Variants in BICDL1 observed in about 807,000 individuals in gnomAD.
BICDL1 encodes BICD family-like cargo adapter 1.
A neutral mutation model predicts 76.8 loss-of-function variants in BICDL1; 20 were observed. The ratio of observed to expected loss-of-function variants is 0.26; its 90% CI spans 0.18 to 0.38. BICDL1 has a LOEUF of 0.38. Among genes scored for constraint, BICDL1 ranks in the 10% least tolerant of loss-of-function variants. BICDL1 has a pLI of 1.00. For missense variants in BICDL1, 700 were observed against 798.6 expected (o/e 0.88, Z 1.49); for synonymous variants, 383 against 337.1 (o/e 1.14, Z -1.49).
intron 2 of BICDL1, among the ~76,000 whole-genome samples, chr12:120,028,718 G>A (rs1021096840): frequency 6.6e-6 from 1 of 151,982 alleles, no homozygotes; most frequent in African/African-American, 2.4e-5. Context: ...GAAAATTAGC[G>A]AGAAAATAGC....
At chr12:120,081,083 C>T (rs1873934721) in intron 8 of BICDL1, 66 bp downstream of exon 8, 2 of 1,504,830 alleles carry the variant, frequency 1.3e-6, no homozygotes, top group African/African-American at 1.4e-5. Context: ...AGCATATGCT[C>T]AATTTTTTAA....
intron 2 of BICDL1, among the ~76,000 whole-genome samples, chr12:120,014,690 A>G (rs1431103599): frequency 7.0e-6 from 1 of 142,604 alleles, no homozygotes; most frequent in Non-Finnish European, 1.5e-5. Flanking sequence ...ACTCCATCTC[A>G]AAAAAAAAAA....
intron 2 of BICDL1, among the ~76,000 whole-genome samples, chr12:120,029,385 C>T (rs1223408231): frequency 6.6e-6 from 1 of 152,142 alleles, no homozygotes; most frequent in Non-Finnish European, 1.5e-5. Context: ...ATTATTATAA[C>T]TTAGTGTTAT....
At chr12:120,031,780 C>T (rs1952428999) in intron 2 of BICDL1, among the ~76,000 whole-genome samples, 1 of 152,146 alleles carries the variant, frequency 6.6e-6, no homozygotes, top group Non-Finnish European at 1.5e-5. Flanking sequence ...TTTATGTCTA[C>T]TGTCTTGACA....
chr12:120,083,763 G>A (rs938266077), intron 8 of BICDL1, among the ~76,000 whole-genome samples: 16 of 151,982 alleles, frequency 1.1e-4, no homozygotes, highest in Non-Finnish European at 2.4e-4. Context: ...AGGTTCGAGC[G>A]ATTCTCCTGC....
At chr12:120,034,250 G>A (rs559024073) in intron 2 of BICDL1, among the ~76,000 whole-genome samples, 3 of 152,262 alleles carry the variant, frequency 2.0e-5, no homozygotes, top group Admixed American at 2.0e-4. Flanking sequence ...AACAAACTAA[G>A]AATTGTCTTT....
chr12:120,003,178 AGT>A (rs1951791386), intron 2 of BICDL1, among the ~76,000 whole-genome samples: 1 of 136,934 alleles, frequency 7.3e-6, no homozygotes, highest in Non-Finnish European at 1.6e-5. Flanking sequence ...AAAAAAAAAC[AGT>A]CGGTAGGGAA....
intron 6 of BICDL1, among the ~76,000 whole-genome samples, chr12:120,073,700 C>A (rs1407282015): frequency 5.9e-5 from 9 of 152,146 alleles, no homozygotes; most frequent in Admixed American, 5.9e-4. Flanking sequence ...TGTCTTTCTG[C>A]CTGTATTGGG....
chr12:120,081,009 C>T lies in BICDL1; in HGVS notation c.1575C>T (p.Ala525=), dbSNP rs1873928921. ...LQKAIRDRDE[A]IAKKNAVELE... ...AGGCCATCAGGGACCGCGACGAGGC[C>T]ATTGCAAAGTGAGTAGGGATGGCTT... The change falls in exon 8 of 10, where the codon GCC becomes GCT. Residue 525 remains alanine, a synonymous_variant. Coordinates refer to ENST00000548673, the MANE Select transcript of BICDL1 (RefSeq NM_001367886.1). 1.9e-6 allele frequency: 3 copies of T among 1,613,192 alleles called. No homozygotes were observed. In the South Asian group the frequency reaches 3.3e-5, roughly 18 times the overall value.
chr12:120,023,461 G>A (rs1037049006), intron 2 of BICDL1, among the ~76,000 whole-genome samples: 6 of 152,108 alleles, frequency 3.9e-5, no homozygotes, highest in Non-Finnish European at 7.4e-5. Flanking sequence ...ACCTAACATG[G>A]TAAAATTCAC....
rs115861826 is a variant in BICDL1, at chr12:120,049,040, C to T, written c.646-12670C>T. Among the ~76,000 whole-genome samples, 1,226 of 152,226 alleles carry T rather than the reference C, an allele frequency of 8.1e-3. 17 individuals carry two copies. Among genetic ancestry groups the T allele is most frequent in the African/African-American group, 0.027 (1,121 of 41,522 alleles). Reference sequence around the variant, plus strand: ...TGCAAAAATGAATTAGATGCTGTCACTGTCCTTAAAAAGCTTCAAATGAGG... The same window carrying T: ...TGCAAAAATGAATTAGATGCTGTCATTGTCCTTAAAAAGCTTCAAATGAGG... On this transcript the variant is annotated intron_variant, in intron 2 of 9. Transcript: ENST00000548673.
At chr12:120,053,513 T>C (rs964645824) in intron 2 of BICDL1, among the ~76,000 whole-genome samples, 2 of 152,230 alleles carry the variant, frequency 1.3e-5, no homozygotes, top group African/African-American at 4.8e-5. Flanking sequence ...CTGTCATTAT[T>C]TGTTTATTGA....
At chr12:120,022,760 C>T (rs957791424) in intron 2 of BICDL1, among the ~76,000 whole-genome samples, 2 of 151,868 alleles carry the variant, frequency 1.3e-5, no homozygotes, top group Admixed American at 6.6e-5. Flanking sequence ...TACAATTGCC[C>T]CCAGACTGCC....
intron 8 of BICDL1, among the ~76,000 whole-genome samples, chr12:120,081,714 TA>T (rs1379531466): frequency 1.3e-5 from 2 of 151,912 alleles, no homozygotes; most frequent in African/African-American, 4.8e-5. Context: ...TGTTTGTTTC[TA>T]TTTTTTTATT....
chr12:120,037,679 G>A (rs1168228124), intron 2 of BICDL1, among the ~76,000 whole-genome samples: 1 of 152,160 alleles, frequency 6.6e-6, no homozygotes, highest in Non-Finnish European at 1.5e-5. Context: ...AATGTGATAT[G>A]CTTTTAATCT....
chr12:119,998,968 G>C (rs1016419757), intron 2 of BICDL1, among the ~76,000 whole-genome samples: 2 of 150,612 alleles, frequency 1.3e-5, no homozygotes, highest in South Asian at 4.2e-4. Context: ...GAGGTGGGGG[G>C]ATCGCTTGAG....
intron 2 of BICDL1, among the ~76,000 whole-genome samples, chr12:120,017,865 C>T (rs527740337): frequency 2.0e-5 from 3 of 152,238 alleles, no homozygotes; most frequent in South Asian, 4.1e-4. Context: ...TCTAACTTAA[C>T]CTGAATTAGG....
Position 119,989,829 on chromosome 12 carries a change from G to A in BICDL1, c.-40G>A, listed in dbSNP as rs1335154762. The stretch of plus-strand genomic sequence containing the variant: ...CTCCCCCCTGCAGCCTGGCGCGCGC[G>A]GGCCGGGCCGCACCGCTGCGGGCTC... On this transcript the variant is annotated 5_prime_UTR_variant, in exon 1 of 10. Coordinates refer to ENST00000548673, the MANE Select transcript of BICDL1 (RefSeq NM_001367886.1). 8 of 1,126,860 alleles carry A rather than the reference G, an allele frequency of 7.1e-6. No individual in the cohort carries two copies. The highest frequency in any genetic ancestry group is 7.6e-6 in the Non-Finnish European group (7 of 917,164). 69.8% of individuals were successfully genotyped at this position (1,126,860 alleles called of 1,614,324 possible).
chr12:120,056,590 G>A (rs566250175), intron 2 of BICDL1, among the ~76,000 whole-genome samples: 4 of 152,214 alleles, frequency 2.6e-5, no homozygotes, highest in East Asian at 1.9e-4. Context: ...GTGGTAGTGC[G>A]CCTGTAATCC....
Sources: gnomAD v4.1 joint callset for allele counts (sites outside exome capture counted in the v4.1 genomes callset) on GRCh38, gnomAD v4.1.1 for gene constraint, MANE v1.5 for transcripts, NCBI Gene and HGNC (gene_info 2026-07-23, HGNC 2026-07-21) for gene names.